Variants in ANKRD30BL observed in about 807,000 individuals in gnomAD.
ANKRD30BL encodes the protein putative ankyrin repeat domain-containing protein 30B-like.
Under a neutral mutation model 18.4 loss-of-function variants are expected in ANKRD30BL, and 20 were observed. The observed-to-expected ratio is 1.09, with a 90% CI of 0.77 to 1.58. ANKRD30BL has a LOEUF of 1.58. ANKRD30BL is among the 40% of genes most tolerant of loss of function. The probability of loss-of-function intolerance (pLI) is 0.00; values close to 1 mark genes in which losing one functional copy is unlikely to be tolerated. For missense variants in ANKRD30BL, 224 were observed against 268.6 expected (o/e 0.83, Z 1.16); for synonymous variants, 72 against 100.9 (o/e 0.71, Z 1.72).
At chr2:132,165,664 G>A (rs1210993548), upstream of ANKRD30BL, among the ~76,000 whole-genome samples, 3 of 151,856 alleles carry the variant, frequency 2.0e-5, no homozygotes, top group Admixed American at 2.0e-4. Context: ...GGAGGTTGCA[G>A]TATCCTTCTA....
intron 1 of ANKRD30BL, among the ~76,000 whole-genome samples, chr2:132,180,112 C>A (rs1223548887): frequency 1.3e-5 from 2 of 152,040 alleles, no homozygotes; most frequent in Non-Finnish European, 2.9e-5. Context: ...TACAACAGTG[C>A]CCGTAATGTC....
chr2:132,214,684 T>C (rs576549127), intron 1 of ANKRD30BL, among the ~76,000 whole-genome samples: 5 of 151,914 alleles, frequency 3.3e-5, no homozygotes, highest in East Asian at 1.9e-4. Flanking sequence ...ACATAAAAAC[T>C]AGACAGAAAC....
At chr2:132,207,356 A>G (rs1184619885) in intron 1 of ANKRD30BL, among the ~76,000 whole-genome samples, 3 of 152,032 alleles carry the variant, frequency 2.0e-5, no homozygotes, top group Non-Finnish European at 2.9e-5. Context: ...GGTAAAATAC[A>G]TTATCTTCAG....
intron 1 of ANKRD30BL, among the ~76,000 whole-genome samples, chr2:132,222,832 TAAAA>T (rs71001178): frequency 9.5e-5 from 5 of 52,808 alleles, no homozygotes; most frequent in East Asian, 1.1e-3. Flanking sequence ...GAATGATCAA[TAAAA>T]AAAAAAAAAA....
rs578203863 is a variant in ANKRD30BL, at chr2:132,171,296, T to C, written n.442-14150A>G. ...GTATCTAAAACTCTGACATAAAACA[T>C]GTATTTTTAGTGTAATATTACATTA... On this transcript the variant is annotated intron_variant and non_coding_transcript_variant, in intron 1 of 4. Transcript: ENST00000470729. 2.0e-5 allele frequency among the ~76,000 whole-genome samples: 3 copies of C among 152,292 alleles called. No individual in the cohort carries two copies. The East Asian group carries it at 5.8e-4, about 29-fold the overall frequency.
intron 5 of ANKRD30BL, among the ~76,000 whole-genome samples, 200 bp from the exon 6 acceptor site, chr2:132,148,428 A>G (rs1243137222): frequency 8.0e-6 from 1 of 124,800 alleles, no homozygotes; most frequent in Non-Finnish European, 1.6e-5. Context: ...GTGCAGTGGC[A>G]CGATCTCAGC....
chr2:132,215,199 C>T (rs1299071889), intron 1 of ANKRD30BL, among the ~76,000 whole-genome samples: 6 of 152,184 alleles, frequency 3.9e-5, no homozygotes, highest in Non-Finnish European at 2.9e-5. Context: ...AAGCACTAGA[C>T]AGAAGCATTC....
intron 1 of ANKRD30BL, among the ~76,000 whole-genome samples, chr2:132,206,369 A>C (rs1679212942): frequency 6.6e-6 from 1 of 152,068 alleles, no homozygotes; most frequent in African/African-American, 2.4e-5. Context: ...TAATAATGCT[A>C]AGTGTGTAAT....
At chr2:132,211,586 A>G (rs1679349814) in intron 1 of ANKRD30BL, among the ~76,000 whole-genome samples, 1 of 151,942 alleles carries the variant, frequency 6.6e-6, no homozygotes, top group Admixed American at 6.6e-5. Flanking sequence ...AACTAGACAG[A>G]CGCATTGTGA....
intron 1 of ANKRD30BL, among the ~76,000 whole-genome samples, chr2:132,160,361 G>A (rs192211255): frequency 0.011 from 1,666 of 148,134 alleles, 14 homozygotes; most frequent in Middle Eastern, 0.026. Context: ...TTGGCCGCCC[G>A]AAGTGCTGGG....
chr2:132,170,948 A>AGATC (rs1246654691), intron 1 of ANKRD30BL, among the ~76,000 whole-genome samples: 1 of 152,164 alleles, frequency 6.6e-6, no homozygotes, highest in Non-Finnish European at 1.5e-5. Context: ...CGTGGTGAGG[A>AGATC]GATCGAGACC....
intron 1 of ANKRD30BL, among the ~76,000 whole-genome samples, chr2:132,213,091 T>C (rs544983019): frequency 3.5e-4 from 53 of 151,880 alleles, no homozygotes; most frequent in Non-Finnish European, 5.7e-4. Context: ...CCTCTTTTTA[T>C]AGGAGCAGCA....
rs1679173869 is a variant in ANKRD30BL at position 132,204,590 on chromosome 2, A to G, written n.442-47444T>C. On this transcript the variant is annotated intron_variant and non_coding_transcript_variant, in intron 1 of 4. Transcript: ENST00000470729. ...CAGAAAGAATAGTCAAGATTATTCC[A>G]GCAGTACAGGCATGATGTGATGAAT... 3.9e-5 allele frequency among the ~76,000 whole-genome samples: 6 copies of G among 152,160 alleles called. No homozygotes were observed. The South Asian group carries it at 1.0e-3, about 26-fold the overall frequency.
At chr2:132,153,932 C>T (rs1028412913) in intron 4 of ANKRD30BL, among the ~76,000 whole-genome samples, 4 of 152,142 alleles carry the variant, frequency 2.6e-5, no homozygotes, top group African/African-American at 9.7e-5. Flanking sequence ...CAAGAAAATA[C>T]GTTCTGTTCA....
chr2:132,168,486 TA>T (rs1461536750), intron 1 of ANKRD30BL, among the ~76,000 whole-genome samples: 1 of 152,186 alleles, frequency 6.6e-6, no homozygotes. Context: ...TAATGCTAAG[TA>T]AAATAAGCCA....
intron 1 of ANKRD30BL, among the ~76,000 whole-genome samples, chr2:132,250,350 C>T (rs78801906): frequency 6.6e-6 from 1 of 152,142 alleles, no homozygotes. Context: ...TTCACCATGG[C>T]CTCAAAGCGC....
At chr2:132,210,700 A>C (rs1382813645) in intron 1 of ANKRD30BL, among the ~76,000 whole-genome samples, 1 of 151,848 alleles carries the variant, frequency 6.6e-6, no homozygotes, top group African/African-American at 2.4e-5. Flanking sequence ...TATGGTGGAA[A>C]CTGAAATATC....
At chr2:132,235,859 A>G (rs1241690979) in intron 1 of ANKRD30BL, among the ~76,000 whole-genome samples, 1 of 152,164 alleles carries the variant, frequency 6.6e-6, no homozygotes, top group African/African-American at 2.4e-5. Flanking sequence ...ATATGGAACC[A>G]AAAAAGAGCC....
intron 1 of ANKRD30BL, among the ~76,000 whole-genome samples, chr2:132,238,542 T>C (rs186787211): frequency 2.6e-5 from 4 of 151,948 alleles, no homozygotes; most frequent in African/African-American, 9.7e-5. Flanking sequence ...GGAGCTGTTA[T>C]GAAACACTCT....
Sources: allele counts gnomAD v4.1 joint callset (sites outside exome capture counted in the v4.1 genomes callset), GRCh38; gene constraint gnomAD v4.1.1; transcripts MANE v1.5; gene names NCBI Gene and HGNC (gene_info 2026-07-23, HGNC 2026-07-21).